Variants in TCF20 observed in about 807,000 individuals in gnomAD.
The protein encoded by TCF20 is transcription factor 20, also known as SPRE-binding protein.
TCF20 carries 3 observed loss-of-function variants against 148.6 expected under a neutral mutation model. The observed-to-expected ratio is 0.02, with a 90% CI of 0.01 to 0.05. The LOEUF (loss-of-function observed/expected upper bound fraction) is 0.05. Among genes scored for constraint, TCF20 ranks in the 10% least tolerant of loss-of-function variants. TCF20 has a pLI of 1.00. For missense variants in TCF20, 2,350 were observed against 2,429.3 expected, an observed-to-expected ratio of 0.97 and a Z score of 0.69; for synonymous variants, 1,049 against 909.5, an observed-to-expected ratio of 1.15 and a Z score of -2.76.
At chr22:42,342,230 GT>G (rs1482410094) in intron 1 of TCF20, among the ~76,000 whole-genome samples, 1 of 152,194 alleles carries the variant, frequency 6.6e-6, no homozygotes, top group Non-Finnish European at 1.5e-5. Context: ...CCAATGGACA[GT>G]CATGGATGGG....
chr22:42,167,651 G>A (rs1935869760), intron 5 of TCF20, among the ~76,000 whole-genome samples: 1 of 152,140 alleles, frequency 6.6e-6, no homozygotes, highest in Non-Finnish European at 1.5e-5. Context: ...TGTTTTCACA[G>A]ATGCCTGCCA....
At chr22:42,328,578 C>T (rs1927915166) in intron 1 of TCF20, among the ~76,000 whole-genome samples, 1 of 152,198 alleles carries the variant, frequency 6.6e-6, no homozygotes, top group Non-Finnish European at 1.5e-5. Flanking sequence ...GGATCAAATG[C>T]CAGCTCACCT....
chr22:42,308,314 G>A (rs573333952), intron 1 of TCF20, among the ~76,000 whole-genome samples: 1 of 152,228 alleles, frequency 6.6e-6, no homozygotes, highest in East Asian at 1.9e-4. Context: ...CACCAGCCTA[G>A]AGGTTTGGAG....
chr22:42,177,167 C>T lies in TCF20; in HGVS notation c.5749+2442G>A, dbSNP rs779777513. ...CGGTGGCTCACGTCTGTAATCCCAG[C>T]ACTTTGGGAGGCTGAGGTGGGTGGA... is the stretch of plus-strand genomic sequence containing the variant. On this transcript the variant is annotated intron_variant, in intron 3 of 5. Transcript: ENST00000677622. Among the ~76,000 whole-genome samples, 17 of 152,264 alleles carry T rather than the reference C, an allele frequency of 1.1e-4. 1 individual carries two copies. The South Asian group carries it at 1.5e-3, about 13-fold the overall frequency.
chr22:42,264,392 T>C (rs1374011151), intron 1 of TCF20, among the ~76,000 whole-genome samples: 2 of 152,160 alleles, frequency 1.3e-5, no homozygotes, highest in Non-Finnish European at 2.9e-5. Context: ...GGATGATTTT[T>C]TAAAAAAAGC....
At chr22:42,237,224 T>A (rs1007094968) in intron 1 of TCF20, among the ~76,000 whole-genome samples, 1 of 152,230 alleles carries the variant, frequency 6.6e-6, no homozygotes, top group East Asian at 1.9e-4. Flanking sequence ...TTATGTAATA[T>A]TCTAAATCTT....
intron 1 of TCF20, among the ~76,000 whole-genome samples, chr22:42,235,287 C>T (rs994570175): frequency 1.3e-5 from 2 of 152,188 alleles, no homozygotes; most frequent in African/African-American, 4.8e-5. Flanking sequence ...CAGCAGTTTG[C>T]TGTCTTTCCC....
chr22:42,316,268 G>C (rs1927629490), intron 1 of TCF20, among the ~76,000 whole-genome samples: 1 of 152,078 alleles, frequency 6.6e-6, no homozygotes, highest in Non-Finnish European at 1.5e-5. Context: ...ATGGAATAAA[G>C]ACTGCAAAGT....
At chr22:42,255,985 G>A (rs1925720229) in intron 1 of TCF20, among the ~76,000 whole-genome samples, 1 of 152,080 alleles carries the variant, frequency 6.6e-6, no homozygotes, top group South Asian at 2.1e-4. Context: ...TTGATAATAT[G>A]CTACATACTT....
intron 2 of TCF20, among the ~76,000 whole-genome samples, chr22:42,195,892 A>T (rs553470081): frequency 6.6e-6 from 1 of 152,264 alleles, no homozygotes; most frequent in African/African-American, 2.4e-5. Context: ...CGTGTCTCTT[A>T]AAGAACCTGT....
At chr22:42,203,517 A>C (rs1425230700) in intron 2 of TCF20, among the ~76,000 whole-genome samples, 1 of 152,226 alleles carries the variant, frequency 6.6e-6, no homozygotes, top group Non-Finnish European at 1.5e-5. Context: ...GATTCCTTAG[A>C]ATTTGGACGA....
In TCF20 at chr22:42,211,737, T is replaced by C; in HGVS notation, c.3569A>G (p.Asp1190Gly). The C allele has an allele frequency of 1.9e-6, 3 of 1,614,164 alleles. No individual in the cohort carries two copies. The highest frequency in any genetic ancestry group is 2.5e-6 in the Non-Finnish European group (3 of 1,180,028). The change falls in exon 2 of 6, where the codon GAT becomes GGT. Residue 1190 changes from aspartate to glycine, a missense_variant. Coordinates refer to ENST00000677622, the MANE Select transcript of TCF20 (RefSeq NM_001378418.1). ...GGCTGGAGAAGTTTGCCGAGAAAGA[T>C]CCCAACAGGATTCTTGTAACTTCTG... ...GSQKLQESCW[D>G]LSRQTSPAKS...
At chr22:42,339,470 C>A (rs1454088282) in intron 1 of TCF20, among the ~76,000 whole-genome samples, 1 of 152,204 alleles carries the variant, frequency 6.6e-6, no homozygotes, top group South Asian at 2.1e-4. Context: ...AAGCCCATAG[C>A]GACTAAACCC....
At chr22:42,243,924 T>C (rs1291315858) in intron 1 of TCF20, among the ~76,000 whole-genome samples, 9 of 152,096 alleles carry the variant, frequency 5.9e-5, no homozygotes, top group Non-Finnish European at 1.2e-4. Flanking sequence ...CAAGTGTTGG[T>C]GATGATGTGG....
chr22:42,228,767 G>A (rs1198695518), intron 1 of TCF20, among the ~76,000 whole-genome samples: 1 of 152,204 alleles, frequency 6.6e-6, no homozygotes, highest in African/African-American at 2.4e-5. Context: ...CATTAGCACA[G>A]AGGTAGTATT....
At chr22:42,242,941 CAT>C (rs987172110) in intron 1 of TCF20, among the ~76,000 whole-genome samples, 1 of 151,860 alleles carries the variant, frequency 6.6e-6, no homozygotes, top group African/African-American at 2.4e-5. Context: ...AAGTGAAAGA[CAT>C]GAATCTGAAG....
Position 42,160,273 on chromosome 22 carries a change from T to A in TCF20, c.*1130A>T, listed in dbSNP as rs1243311478. 1 of 152,610 alleles carries A rather than the reference T, an allele frequency of 6.6e-6. No homozygotes were observed. The highest frequency in any genetic ancestry group is 2.4e-5 in the African/African-American group (1 of 41,446). The allele number at this position is 152,610 out of a possible 1,614,324, so 9.5% of individuals were successfully genotyped here. ...GAATCACGTAGCATGGGGCTGCCTA[T>A]CTGACAGGTCCTCTTTTCCTTTATA... On this transcript the variant is annotated 3_prime_UTR_variant, in exon 6 of 6. Transcript: ENST00000677622.
At position 42,215,140 on chromosome 22, in the gene TCF20, CACT is replaced by C. The variant is rs1287902433; in HGVS notation, c.163_165del (p.Ser55del). ...GCTGCTGCTCCTCGTCGTCCACCAC[CACT>C]GCCACTGCCACTGCTGCCACTACTG... On this transcript the variant is annotated inframe_deletion, in exon 2 of 6. Coordinates refer to ENST00000677622, the MANE Select transcript of TCF20 (RefSeq NM_001378418.1). 3.7e-6 allele frequency: 6 copies of C among 1,606,850 alleles called. No homozygotes were observed. Among genetic ancestry groups the C allele is most frequent in the East Asian group, 2.2e-5 (1 of 44,876 alleles).
chr22:42,309,178 C>T (rs1421248040), intron 1 of TCF20, among the ~76,000 whole-genome samples: 2 of 152,084 alleles, frequency 1.3e-5, no homozygotes, highest in Non-Finnish European at 2.9e-5. Context: ...GCCGGCAACC[C>T]CTGCGGGACA....
Sources: allele counts gnomAD v4.1 joint callset (sites outside exome capture counted in the v4.1 genomes callset), GRCh38; gene constraint gnomAD v4.1.1; transcripts MANE v1.5; gene names NCBI Gene and HGNC (gene_info 2026-07-23, HGNC 2026-07-21).